PDE10A: variants seen among roughly 807,000 people sequenced by gnomAD.
PDE10A encodes the protein cAMP and cAMP-inhibited cGMP 3',5'-cyclic phosphodiesterase 10A.
PDE10A carries 39 observed loss-of-function variants against 97.7 expected under a neutral mutation model. The ratio of observed to expected loss-of-function variants is 0.40; its 90% CI spans 0.31 to 0.52. PDE10A has a LOEUF of 0.52. PDE10A is among the 20% of genes least tolerant of loss of function. The pLI is 0.56. For synonymous variants in PDE10A, 371 were observed against 376.8 expected, an observed-to-expected ratio of 0.98 and a Z score of 0.18; for missense variants, 731 against 1,047.8, an observed-to-expected ratio of 0.70 and a Z score of 4.17.
intron 20 of PDE10A, among the ~76,000 whole-genome samples, chr6:165,337,292 A>C (rs1781708630): frequency 6.6e-6 from 1 of 152,204 alleles, no homozygotes; most frequent in Non-Finnish European, 1.5e-5. Flanking sequence ...AAGTGGCTGC[A>C]TCATGTACGA....
At chr6:165,572,942 C>G (rs1158504902) in intron 1 of PDE10A, among the ~76,000 whole-genome samples, 1 of 152,224 alleles carries the variant, frequency 6.6e-6, no homozygotes, top group African/African-American at 2.4e-5. Flanking sequence ...CAACTTTGTT[C>G]AACTAGCGTT....
intron 1 of PDE10A, among the ~76,000 whole-genome samples, chr6:165,900,864 G>A (rs1782085686): frequency 1.3e-5 from 2 of 152,092 alleles, no homozygotes; most frequent in South Asian, 4.2e-4. Flanking sequence ...CAAAATATAC[G>A]ATGTTCCCTG....
intron 1 of PDE10A, among the ~76,000 whole-genome samples, chr6:165,596,396 T>C (rs982401558): frequency 1.1e-4 from 17 of 152,162 alleles, no homozygotes; most frequent in African/African-American, 4.1e-4. Flanking sequence ...GTAGCCACAG[T>C]GATCTTAGGA....
chr6:165,704,106 A>G (rs2128444379), intron 1 of PDE10A, among the ~76,000 whole-genome samples: 1 of 152,296 alleles, frequency 6.6e-6, no homozygotes. Context: ...TTGTATCCTA[A>G]CAGAGAAACT....
At chr6:165,491,665 A>G (rs946447346) in intron 2 of PDE10A, among the ~76,000 whole-genome samples, 1 of 151,986 alleles carries the variant, frequency 6.6e-6, no homozygotes, top group Non-Finnish European at 1.5e-5. Flanking sequence ...GAACTACACT[A>G]TAATAGTGAC....
At chr6:165,722,490 T>C (rs1260002433) in intron 1 of PDE10A, among the ~76,000 whole-genome samples, 1 of 152,238 alleles carries the variant, frequency 6.6e-6, no homozygotes, top group Non-Finnish European at 1.5e-5. Flanking sequence ...CATATCTGTC[T>C]ATGATCTAGT....
At chr6:165,422,438 C>A (rs566042702) in intron 10 of PDE10A, among the ~76,000 whole-genome samples, 1 of 140,754 alleles carries the variant, frequency 7.1e-6, no homozygotes, top group Non-Finnish European at 1.5e-5. Flanking sequence ...CATACGCATA[C>A]ACACATACGC....
chr6:165,514,895 G>A (rs946618703), intron 2 of PDE10A, among the ~76,000 whole-genome samples: 7 of 152,148 alleles, frequency 4.6e-5, no homozygotes, highest in African/African-American at 1.7e-4. Context: ...CACTAAAATG[G>A]CTGTTTTTGT....
chr6:165,723,760 T>C (rs1470086052), intron 1 of PDE10A, among the ~76,000 whole-genome samples: 1 of 152,242 alleles, frequency 6.6e-6, no homozygotes, highest in Non-Finnish European at 1.5e-5. Context: ...ACATGAATTC[T>C]GTTTCGGACT....
chr6:165,643,670 G>A lies in PDE10A; in HGVS notation c.865+18277C>T, dbSNP rs568790713. Reference sequence around the variant, plus strand: ...AATTCATTGAAGTAGAGAACAGAACGGTGGTCACCAGAGGCTGGGACAGGC... The same window carrying A: ...AATTCATTGAAGTAGAGAACAGAACAGTGGTCACCAGAGGCTGGGACAGGC... On this transcript the variant is annotated intron_variant, in intron 1 of 21. Coordinates refer to ENST00000539869, the MANE Select transcript of PDE10A (RefSeq NM_001385079.1). Among the ~76,000 whole-genome samples the A allele has an allele frequency of 1.5e-4, 23 of 152,268 alleles. No individual in the cohort carries two copies. In the East Asian group the frequency reaches 2.5e-3, roughly 17 times the overall value.
chr6:165,403,567 C>T (rs1228439924), intron 13 of PDE10A, among the ~76,000 whole-genome samples: 1 of 152,166 alleles, frequency 6.6e-6, no homozygotes, highest in Admixed American at 6.6e-5. Flanking sequence ...AAATTGTGCA[C>T]TCTTTTCCCC....
chr6:165,794,458 GC>G (rs563716761), intron 1 of PDE10A, among the ~76,000 whole-genome samples: 4 of 150,146 alleles, frequency 2.7e-5, no homozygotes, highest in South Asian at 2.1e-4. Flanking sequence ...ACACTCACAT[GC>G]CCATGCATGC....
At chr6:165,435,457 C>A in intron 5 of PDE10A, 80 bp from the exon 6 acceptor site, 1 of 1,173,738 alleles carries the variant, frequency 8.5e-7, no homozygotes, top group South Asian at 2.0e-5. Context: ...TCCTAACAGT[C>A]ATAATAAATC....
intron 1 of PDE10A, among the ~76,000 whole-genome samples, chr6:165,669,010 G>A (rs1254303679): frequency 2.6e-5 from 4 of 152,208 alleles, no homozygotes; most frequent in African/African-American, 7.2e-5. Flanking sequence ...TAGAAGCACC[G>A]TGGCTTCTCA....
chr6:165,516,979 A>C (rs1417723336), intron 2 of PDE10A, among the ~76,000 whole-genome samples: 1 of 152,088 alleles, frequency 6.6e-6, no homozygotes. Context: ...TAATGTGCTA[A>C]AAAGTACAAC....
At chr6:165,550,200 C>T (rs2128328460) in intron 1 of PDE10A, among the ~76,000 whole-genome samples, 1 of 152,186 alleles carries the variant, frequency 6.6e-6, no homozygotes, top group African/African-American at 2.4e-5. Flanking sequence ...TCTGTCCTTC[C>T]TCAATCACAG....
At chr6:165,886,782 A>T (rs1224207618) in intron 1 of PDE10A, among the ~76,000 whole-genome samples, 2 of 152,094 alleles carry the variant, frequency 1.3e-5, no homozygotes, top group African/African-American at 2.4e-5. Flanking sequence ...TCAAATGAAG[A>T]TCCTCTCTGG....
rs1787995109 is a variant in PDE10A at position 165,619,519 on chromosome 6, G to GTAGTGTAGTGTAGTC, written c.865+42413_865+42427dup. Among the ~76,000 whole-genome samples the GTAGTGTAGTGTAGTC allele has an allele frequency of 4.0e-4, 31 of 77,654 alleles. 3 individuals carry two copies. Among genetic ancestry groups the GTAGTGTAGTGTAGTC allele is most frequent in the African/African-American group, 2.0e-3 (30 of 15,184 alleles). 50.9% of individuals were successfully genotyped at this position (77,654 alleles called of 152,430 possible). On this transcript the variant is annotated intron_variant, in intron 1 of 21. Coordinates refer to ENST00000539869, the MANE Select transcript of PDE10A (RefSeq NM_001385079.1). ...GTAGTCTAGTGTAGTGTAGTCTAGT[G>GTAGTGTAGTGTAGTC]TAGTGTAGTGTAGTCTAATGTAGTG...
intron 12 of PDE10A, 26 bp from the exon 13 acceptor site, chr6:165,413,713 A>G (rs1287850442): frequency 6.4e-7 from 1 of 1,558,218 alleles, no homozygotes; most frequent in Admixed American, 1.8e-5. Flanking sequence ...ACCAAAAATA[A>G]CAACAACAAC....
Sources: gnomAD v4.1 joint callset for allele counts (sites outside exome capture counted in the v4.1 genomes callset) on GRCh38, gnomAD v4.1.1 for gene constraint, MANE v1.5 for transcripts, NCBI Gene and HGNC (gene_info 2026-07-23, HGNC 2026-07-21) for gene names.